The following ABLIM1 variants were observed in gnomAD, a reference collection of about 807,000 sequenced individuals.
ABLIM1 encodes the protein actin-binding LIM protein 1.
A neutral mutation model predicts 107.0 loss-of-function variants in ABLIM1; 40 were observed. The observed-to-expected ratio is 0.37, with a 90% CI of 0.29 to 0.49. ABLIM1 has a LOEUF of 0.49. Among genes scored for constraint, ABLIM1 ranks in the 20% least tolerant of loss-of-function variants. The probability of loss-of-function intolerance (pLI) is 0.97; values close to 1 mark genes in which losing one functional copy is unlikely to be tolerated. For missense variants in ABLIM1, 857 were observed against 1,008.5 expected (o/e 0.85, Z 2.04); for synonymous variants, 357 against 357.3 (o/e 1.00, Z 0.01).
intron 6 of ABLIM1, among the ~76,000 whole-genome samples, chr10:114,521,289 C>T (rs886438252): frequency 3.3e-5 from 5 of 152,174 alleles, no homozygotes; most frequent in African/African-American, 4.8e-5. Context: ...GTACGCCTTT[C>T]GGCAACTGCT....
chr10:114,751,776 A>G (rs1275187606), intron 1 of ABLIM1, among the ~76,000 whole-genome samples: 2 of 152,052 alleles, frequency 1.3e-5, no homozygotes, highest in Non-Finnish European at 2.9e-5. Context: ...AAAGAAAAAA[A>G]AAGGCGTACA....
At chr10:114,780,040 T>C in the ABLIM1 span, 1 of 152,034 alleles carries the variant, frequency 6.6e-6, no homozygotes, top group Non-Finnish European at 1.5e-5. Context: ...TAAAAAATCA[T>C]AATAAAATAA....
At chr10:114,569,163 C>T (rs1339469035) in intron 4 of ABLIM1, among the ~76,000 whole-genome samples, 2 of 152,144 alleles carry the variant, frequency 1.3e-5, no homozygotes, top group Non-Finnish European at 2.9e-5. Flanking sequence ...GCCCGTGGGC[C>T]TCAATTTCCC....
chr10:114,800,919 A>T, the ABLIM1 span, among the ~76,000 whole-genome samples: 17 of 152,294 alleles, frequency 1.1e-4, no homozygotes, highest in African/African-American at 4.1e-4. Flanking sequence ...AATAAATAAA[A>T]AACAAAAAAA....
the ABLIM1 span, among the ~76,000 whole-genome samples, chr10:114,798,556 A>ACCT: frequency 7.9e-6 from 1 of 125,996 alleles, no homozygotes; most frequent in South Asian, 2.8e-4. Flanking sequence ...AGATGATGAG[A>ACCT]CCCCCCCCCC....
chr10:114,523,914 G>C (rs535003262), intron 6 of ABLIM1, among the ~76,000 whole-genome samples: 1 of 152,280 alleles, frequency 6.6e-6, no homozygotes, highest in South Asian at 2.1e-4. Context: ...TACTGAATGG[G>C]GGGAGAGGGT....
Position 114,441,024 on chromosome 10 carries a change from TC to T in ABLIM1, c.2051del (p.Gly684GlufsTer16). ...TGGCCATGGGAGCCTCACCTCGCAC[TC>T]CCCCGCTGACATCCCCATAGCTGTT... is the stretch of plus-strand genomic sequence containing the variant. The part of the protein sequence containing the change: ...QYNSYGDVSG[G>X]VRDYQTLPDG... On this transcript the variant is annotated frameshift_variant, in exon 19 of 23. Transcript: ENST00000533213. LOFTEE classifies it high-confidence loss of function. 1.3e-6 allele frequency: 2 copies of T among 1,588,376 alleles called. No individual in the cohort carries two copies. The highest frequency in any genetic ancestry group is 1.8e-5 in the Admixed American group (1 of 56,598).
intron 4 of ABLIM1, among the ~76,000 whole-genome samples, chr10:114,549,256 C>T (rs2497720): frequency 0.78 from 118,482 of 152,052 alleles, 46,820 homozygotes; most frequent in African/African-American, 0.93. Flanking sequence ...TGGTGGTGCA[C>T]GCCTGTAATC....
At chr10:114,743,236 T>C (rs994505714) in intron 1 of ABLIM1, among the ~76,000 whole-genome samples, 1 of 152,228 alleles carries the variant, frequency 6.6e-6, no homozygotes, top group South Asian at 2.1e-4. Flanking sequence ...TATATTCTAC[T>C]GGTGTTGATT....
At chr10:114,463,044 C>T in intron 12 of ABLIM1, 1 of 1,334,866 alleles carries the variant, frequency 7.5e-7, no homozygotes, top group Middle Eastern at 2.2e-4. Context: ...TGCCTCCTTA[C>T]CTTTGATATG....
At chr10:114,439,081 C>T (rs1415066571) in intron 21 of ABLIM1, 95 bp downstream of exon 21, 1 of 1,473,814 alleles carries the variant, frequency 6.8e-7, no homozygotes, top group East Asian at 2.3e-5. Flanking sequence ...ACACACCAGC[C>T]TACAACACTT....
chr10:114,583,422 C>G (rs1011778031), intron 2 of ABLIM1, among the ~76,000 whole-genome samples: 1 of 27,266 alleles, frequency 3.7e-5, no homozygotes, highest in Non-Finnish European at 8.5e-5. Flanking sequence ...CACACACACA[C>G]ACACACACAC....
intron 1 of ABLIM1, among the ~76,000 whole-genome samples, chr10:114,635,371 C>G (rs1480882268): frequency 6.6e-6 from 1 of 152,236 alleles, no homozygotes; most frequent in South Asian, 2.1e-4. Context: ...AAACAAGCAA[C>G]CCGGCAGAGT....
intron 1 of ABLIM1, among the ~76,000 whole-genome samples, chr10:114,758,716 T>C (rs1340142663): frequency 6.6e-6 from 1 of 152,194 alleles, no homozygotes; most frequent in Admixed American, 6.5e-5. Context: ...GGATGTTTTT[T>C]AAATGAATTC....
intron 5 of ABLIM1, among the ~76,000 whole-genome samples, chr10:114,546,708 T>A (rs1421615992): frequency 6.6e-6 from 1 of 152,254 alleles, no homozygotes; most frequent in Non-Finnish European, 1.5e-5. Context: ...ACTATATTTT[T>A]AAACTACATT....
At chr10:114,444,393 G>C (rs1057433324) in intron 16 of ABLIM1, among the ~76,000 whole-genome samples, 1 of 152,092 alleles carries the variant, frequency 6.6e-6, no homozygotes, top group Admixed American at 6.6e-5. Context: ...TCCTTCCTCT[G>C]CTTTCCCTAA....
At chr10:114,723,113 G>A (rs1226483428) in intron 1 of ABLIM1, among the ~76,000 whole-genome samples, 1 of 152,204 alleles carries the variant, frequency 6.6e-6, no homozygotes, top group Non-Finnish European at 1.5e-5. Flanking sequence ...CTGAATAAAT[G>A]AATGCATACC....
chr10:114,736,202 A>G (rs543729045), intron 1 of ABLIM1, among the ~76,000 whole-genome samples: 41 of 152,338 alleles, frequency 2.7e-4, no homozygotes, highest in African/African-American at 9.4e-4. Context: ...GAAGTCCACT[A>G]TTATACCATC....
intron 2 of ABLIM1, among the ~76,000 whole-genome samples, chr10:114,600,506 CCCT>C (rs1369770518): frequency 6.6e-6 from 1 of 152,142 alleles, no homozygotes; most frequent in African/African-American, 2.4e-5. Flanking sequence ...GGAAAGCACT[CCCT>C]CCTCCTTTAT....
Sources: gnomAD v4.1 joint callset for allele counts (sites outside exome capture counted in the v4.1 genomes callset) on GRCh38, gnomAD v4.1.1 for gene constraint, MANE v1.5 for transcripts, NCBI Gene and HGNC (gene_info 2026-07-23, HGNC 2026-07-21) for gene names.